Variants in MARK1 observed in about 807,000 individuals in gnomAD.
The protein encoded by MARK1 is serine/threonine-protein kinase MARK1.
Under a neutral mutation model 96.3 loss-of-function variants are expected in MARK1, and 40 were observed. The ratio of observed to expected loss-of-function variants is 0.42; its 90% confidence interval spans 0.32 to 0.54. MARK1 has a LOEUF of 0.54. Among genes scored for constraint, MARK1 ranks in the 20% least tolerant of loss-of-function variants. The pLI, the probability that MARK1 is intolerant of heterozygous loss-of-function variation, is 0.16. For synonymous variants in MARK1, 317 were observed against 341.2 expected, an observed-to-expected ratio of 0.93 and a Z score of 0.78; for missense variants, 719 against 984.6, an observed-to-expected ratio of 0.73 and a Z score of 3.61.
intron 16 of MARK1, among the ~76,000 whole-genome samples, chr1:220,655,066 T>C (rs1227440999): frequency 5.9e-5 from 9 of 152,226 alleles, no homozygotes; most frequent in Admixed American, 5.9e-4. Flanking sequence ...AGCAACTTAC[T>C]ATCTTGAAAC....
chr1:220,662,380 A>G lies in MARK1; in HGVS notation c.*214A>G, dbSNP rs1669525441. ...TAGCTTAAAAAGTAGGTTCACATGTACAGGTAAGTATATTGTGTATTTCTG... is the reference window on the plus strand; with the variant it reads ...TAGCTTAAAAAGTAGGTTCACATGTGCAGGTAAGTATATTGTGTATTTCTG... On this transcript the variant is annotated 3_prime_UTR_variant, in exon 18 of 18. Transcript: ENST00000366917. 3 of 536,114 alleles carry G rather than the reference A, an allele frequency of 5.6e-6. No homozygotes were observed. The highest frequency in any genetic ancestry group is 1.0e-5 in the Non-Finnish European group (3 of 301,312). The allele number at this position is 536,114 out of a possible 1,614,324, so 33.2% of individuals were successfully genotyped here.
chr1:220,528,473 T>C lies in MARK1; in HGVS notation c.-350T>C. ...GCACCGGCTTCACCTTCACCCATGGTCCGGAGAGCCTAGCGGGGCTCGCCA... is the reference window on the plus strand; with the variant it reads ...GCACCGGCTTCACCTTCACCCATGGCCCGGAGAGCCTAGCGGGGCTCGCCA... On this transcript the variant is annotated 5_prime_UTR_variant, in exon 1 of 18. Coordinates refer to ENST00000366917, the MANE Select transcript of MARK1 (RefSeq NM_018650.5). The C allele has an allele frequency of 3.1e-6, 1 of 318,744 alleles. No individual in the cohort carries two copies. The highest frequency in any genetic ancestry group is 6.0e-5 in the South Asian group (1 of 16,708). 19.7% of individuals were successfully genotyped at this position (318,744 alleles called of 1,614,324 possible).
At chr1:220,564,261 G>A (rs1392339412) in intron 1 of MARK1, among the ~76,000 whole-genome samples, 1 of 152,074 alleles carries the variant, frequency 6.6e-6, no homozygotes, top group Non-Finnish European at 1.5e-5. Flanking sequence ...ATTAACTAAA[G>A]GCTTTGTGAC....
intron 1 of MARK1, among the ~76,000 whole-genome samples, chr1:220,563,177 A>G (rs1662789225): frequency 6.6e-6 from 1 of 152,210 alleles, no homozygotes; most frequent in African/African-American, 2.4e-5. Flanking sequence ...TAACACTGGA[A>G]GGGAAAATCC....
At chr1:220,647,835 C>T (rs1365504507) in intron 13 of MARK1, among the ~76,000 whole-genome samples, 8 of 151,918 alleles carry the variant, frequency 5.3e-5, no homozygotes, top group East Asian at 3.9e-4. Context: ...AAGTGGGAGC[C>T]GAATAATGAG....
intron 5 of MARK1, among the ~76,000 whole-genome samples, chr1:220,603,377 A>G (rs1404037590): frequency 6.6e-6 from 1 of 152,056 alleles, no homozygotes; most frequent in Non-Finnish European, 1.5e-5. Flanking sequence ...TTCACCAAAC[A>G]TTTATCTATC....
chr1:220,535,994 C>G (rs1257086194), intron 1 of MARK1, among the ~76,000 whole-genome samples: 1 of 151,550 alleles, frequency 6.6e-6, no homozygotes, highest in African/African-American at 2.4e-5. Context: ...ATTCAGGGTC[C>G]TTTGTGGTTC....
At chr1:220,534,275 A>G (rs1270906545) in intron 1 of MARK1, among the ~76,000 whole-genome samples, 1 of 152,126 alleles carries the variant, frequency 6.6e-6, no homozygotes, top group African/African-American at 2.4e-5. Flanking sequence ...ATCACTTTAC[A>G]TATTGATCTT....
intron 1 of MARK1, among the ~76,000 whole-genome samples, chr1:220,529,741 C>G (rs1297174694): frequency 1.3e-5 from 2 of 152,176 alleles, no homozygotes; most frequent in Admixed American, 6.5e-5. Flanking sequence ...ACGAAAAGAA[C>G]AAGATCCCTT....
At chr1:220,575,142 T>G (rs367649227) in intron 1 of MARK1, among the ~76,000 whole-genome samples, 34 of 152,330 alleles carry the variant, frequency 2.2e-4, no homozygotes, top group African/African-American at 7.9e-4. Flanking sequence ...GATGCAGCAC[T>G]GAAGAGCTAA....
chr1:220,640,672 C>G (rs897029124), intron 13 of MARK1, among the ~76,000 whole-genome samples: 5 of 152,128 alleles, frequency 3.3e-5, no homozygotes, highest in African/African-American at 1.2e-4. Context: ...CTGGGTAGTT[C>G]AGTATCAAGA....
intron 16 of MARK1, among the ~76,000 whole-genome samples, chr1:220,656,709 T>C (rs1209812955): frequency 2.0e-5 from 3 of 152,238 alleles, no homozygotes; most frequent in African/African-American, 4.8e-5. Context: ...AAAATGCCAG[T>C]TATTAAAAAT....
At chr1:220,531,897 T>TA (rs965512219) in intron 1 of MARK1, among the ~76,000 whole-genome samples, 81 of 152,172 alleles carry the variant, frequency 5.3e-4, no homozygotes, top group Middle Eastern at 6.8e-3. Context: ...AGAAAAAGAG[T>TA]AAAAAAGATT....
intron 10 of MARK1, among the ~76,000 whole-genome samples, chr1:220,631,745 G>C (rs1667692195): frequency 6.6e-6 from 1 of 152,072 alleles, no homozygotes; most frequent in African/African-American, 2.4e-5. Flanking sequence ...TTAGGAACCT[G>C]ATCAGAAAAA....
intron 1 of MARK1, among the ~76,000 whole-genome samples, chr1:220,572,405 C>T (rs937941001): frequency 6.6e-6 from 1 of 152,048 alleles, no homozygotes; most frequent in Non-Finnish European, 1.5e-5. Context: ...CCACACCTGG[C>T]TAATTTTTTG....
chr1:220,544,234 G>A (rs763975390), intron 1 of MARK1, among the ~76,000 whole-genome samples: 2 of 152,174 alleles, frequency 1.3e-5, no homozygotes, highest in Non-Finnish European at 2.9e-5. Context: ...TTACCATATG[G>A]TGCCTGCTGT....
intron 1 of MARK1, among the ~76,000 whole-genome samples, chr1:220,546,622 T>G (rs1661507562): frequency 1.3e-5 from 2 of 152,190 alleles, no homozygotes; most frequent in African/African-American, 4.8e-5. Context: ...TTCAGTTTCT[T>G]AAGGAGGGAT....
At position 220,560,187 on chromosome 1, in the gene MARK1, T is replaced by G. The variant is rs1662569531; in HGVS notation, c.52-19167T>G. ...ATGGGGGAAACTGCCCCCCCATGATTCGTTTATCTCCCACCAGGTCCTTCC... is the reference window on the plus strand; with the variant it reads ...ATGGGGGAAACTGCCCCCCCATGATGCGTTTATCTCCCACCAGGTCCTTCC... On this transcript the variant is annotated intron_variant, in intron 1 of 17. Coordinates refer to ENST00000366917, the MANE Select transcript of MARK1 (RefSeq NM_018650.5). Among the ~76,000 whole-genome samples, 5 of 152,148 alleles carry G rather than the reference T, an allele frequency of 3.3e-5. No homozygotes were observed. In the South Asian group the frequency reaches 1.0e-3, roughly 32 times the overall value.
chr1:220,618,605 G>T lies in MARK1; in HGVS notation c.790-31G>T. 6.2e-7 allele frequency: 1 copy of T among 1,613,504 alleles called. No homozygotes were observed. The highest frequency in any genetic ancestry group is 8.5e-7 in the Non-Finnish European group (1 of 1,179,858). On this transcript the variant is annotated intron_variant, in intron 8 of 17. Coordinates refer to ENST00000366917, the MANE Select transcript of MARK1 (RefSeq NM_018650.5). This position sits in a 1 kb window ranked among gnomAD's most constrained non-coding sequence, Gnocchi z 4.6. The stretch of plus-strand genomic sequence containing the variant: ...CCAAGTATGATTATGTCAAAAACCA[G>T]TTATAAGTGCTTTCTTTCACTTTTA...
Sources: gnomAD v4.1 joint callset for allele counts (sites outside exome capture counted in the v4.1 genomes callset) on GRCh38, gnomAD v4.1.1 for gene constraint, Gnocchi (gnomAD v3.1) non-coding constraint, MANE v1.5 for transcripts, NCBI Gene and HGNC (gene_info 2026-07-23, HGNC 2026-07-21) for gene names.